Variants in ARID4B observed in about 807,000 individuals in gnomAD.
ARID4B encodes AT-rich interaction domain 4B, also known as AT-rich interactive domain-containing protein 4B.
Under a neutral mutation model 147.5 loss-of-function variants are expected in ARID4B, and 26 were observed. The ratio of observed to expected loss-of-function variants is 0.18; its 90% CI spans 0.13 to 0.24. ARID4B has a LOEUF of 0.24. ARID4B is among the 10% of genes least tolerant of loss of function. The pLI is 1.00. For missense variants in ARID4B, 1,179 were observed against 1,511.5 expected (o/e 0.78, Z 3.65); for synonymous variants, 512 against 507.9 (o/e 1.01, Z -0.11).
chr1:235,192,142 A>G (rs1665154762), intron 19 of ARID4B, among the ~76,000 whole-genome samples: 1 of 152,214 alleles, frequency 6.6e-6, no homozygotes, highest in Non-Finnish European at 1.5e-5. Context: ...GAATATAAAT[A>G]TAGATAATTC....
intron 4 of ARID4B, 27 bp downstream of exon 4, chr1:235,257,133 A>C (rs1395444983): frequency 6.6e-7 from 1 of 1,516,296 alleles, no homozygotes; most frequent in African/African-American, 1.4e-5. Context: ...AACAACCATT[A>C]GAATTAACAA....
chr1:235,272,773 T>C (rs1009682738), intron 2 of ARID4B, among the ~76,000 whole-genome samples: 1 of 151,906 alleles, frequency 6.6e-6, no homozygotes, highest in Non-Finnish European at 1.5e-5. Flanking sequence ...CTATTACACA[T>C]AAAATCACAT....
chr1:235,327,999 G>C lies in ARID4B; in HGVS notation c.-280C>G, dbSNP rs1357049089. The C allele has an allele frequency of 6.6e-6, 1 of 152,446 alleles. No individual in the cohort carries two copies. The highest frequency in any genetic ancestry group is 1.5e-5 in the Non-Finnish European group (1 of 68,154). 9.4% of individuals were successfully genotyped at this position (152,446 alleles called of 1,614,324 possible). A position where few individuals can be genotyped will look rare whatever the true frequency, so the allele number is the denominator to read the frequency against. On this transcript the variant is annotated 5_prime_UTR_variant, in exon 1 of 24. Coordinates refer to ENST00000264183, the MANE Select transcript of ARID4B (RefSeq NM_016374.6). The stretch of plus-strand genomic sequence containing the variant: ...AGGGGGACGACGAAAAATCCCCCCC[G>C]GACTGGAGGTCCGGGCCCCCAATCG...
intron 2 of ARID4B, among the ~76,000 whole-genome samples, chr1:235,324,405 G>C (rs1015087749): frequency 1.3e-5 from 2 of 152,140 alleles, no homozygotes; most frequent in African/African-American, 4.8e-5. Context: ...CTTAAAGGTA[G>C]TACATGGGAA....
chr1:235,213,538 T>C (rs1200996868), intron 17 of ARID4B, among the ~76,000 whole-genome samples: 2 of 152,162 alleles, frequency 1.3e-5, no homozygotes, highest in Non-Finnish European at 2.9e-5. Context: ...TACATAAAAA[T>C]CAAGTGTGTA....
At chr1:235,319,785 A>T (rs554571775) in intron 2 of ARID4B, among the ~76,000 whole-genome samples, 2 of 152,170 alleles carry the variant, frequency 1.3e-5, no homozygotes, top group South Asian at 4.2e-4. Context: ...TAAGGTCAGG[A>T]GTTCAGAACC....
At chr1:235,281,510 C>A (rs961146778) in intron 2 of ARID4B, among the ~76,000 whole-genome samples, 1 of 151,900 alleles carries the variant, frequency 6.6e-6, no homozygotes, top group Non-Finnish European at 1.5e-5. Flanking sequence ...AAGATCATGC[C>A]ACTGCACTCC....
chr1:235,214,533 T>C (rs1333165553), intron 16 of ARID4B, among the ~76,000 whole-genome samples: 1 of 152,154 alleles, frequency 6.6e-6, no homozygotes, highest in East Asian at 1.9e-4. Flanking sequence ...AAACAATAAT[T>C]TTTACTAGCA....
intron 2 of ARID4B, among the ~76,000 whole-genome samples, chr1:235,308,333 C>CT (rs1673727104): frequency 6.6e-6 from 1 of 150,848 alleles, no homozygotes; most frequent in Admixed American, 6.6e-5. Flanking sequence ...TGAACTCCTC[C>CT]TGACTTCAAG....
At chr1:235,196,394 A>G (rs562638758) in intron 17 of ARID4B, among the ~76,000 whole-genome samples, 2 of 152,340 alleles carry the variant, frequency 1.3e-5, no homozygotes, top group African/African-American at 4.8e-5. Context: ...GCTACAACAA[A>G]GAGAAACTGA....
rs1296383125 is a variant in ARID4B at position 235,257,152 on chromosome 1, T to A, written c.183+8A>T. The A allele has an allele frequency of 1.3e-6, 2 of 1,594,154 alleles. No individual in the cohort carries two copies. Among genetic ancestry groups the A allele is most frequent in the Admixed American group, 3.3e-5 (2 of 59,942 alleles). On this transcript the variant is annotated splice_region_variant and intron_variant, in intron 4 of 23. Transcript: ENST00000264183. Reference sequence around the variant, plus strand: ...ACCATTAGAATTAACAATGAATACATGAATTACCTTTAGTGGGCCCTTTAT... The same window carrying A: ...ACCATTAGAATTAACAATGAATACAAGAATTACCTTTAGTGGGCCCTTTAT...
chr1:235,280,548 C>T (rs760174754), intron 2 of ARID4B, among the ~76,000 whole-genome samples: 2 of 152,288 alleles, frequency 1.3e-5, no homozygotes, highest in Non-Finnish European at 2.9e-5. Context: ...CTCCTCGCCA[C>T]GCAAACGGCT....
At chr1:235,175,487 GAATT>G (rs1663801380) in intron 21 of ARID4B, 88 bp from the exon 22 acceptor site, 1 of 1,084,386 alleles carries the variant, frequency 9.2e-7, no homozygotes, top group Non-Finnish European at 1.4e-6. Flanking sequence ...TTAGCCATTT[GAATT>G]TAGTCCTACA....
chr1:235,250,397 C>G (rs1033461926), intron 6 of ARID4B, among the ~76,000 whole-genome samples: 1 of 152,134 alleles, frequency 6.6e-6, no homozygotes, highest in Non-Finnish European at 1.5e-5. Context: ...AAAGAACATA[C>G]AGATGGTAGA....
chr1:235,264,974 C>T (rs1397361139), intron 2 of ARID4B, among the ~76,000 whole-genome samples: 4 of 150,006 alleles, frequency 2.7e-5, no homozygotes, highest in South Asian at 2.1e-4. Flanking sequence ...GCAGAAGAAT[C>T]GCTTGATCTC....
intron 6 of ARID4B, among the ~76,000 whole-genome samples, chr1:235,248,685 T>C (rs1179021423): frequency 6.6e-6 from 1 of 152,204 alleles, no homozygotes; most frequent in African/African-American, 2.4e-5. Context: ...TGTTTAAGAA[T>C]CACACATAGT....
intron 17 of ARID4B, among the ~76,000 whole-genome samples, chr1:235,196,424 A>C (rs1665493418): frequency 6.6e-6 from 1 of 152,234 alleles, no homozygotes; most frequent in Admixed American, 6.5e-5. Context: ...GTAAGTATTA[A>C]GATAAATCAC....
chr1:235,213,011 A>G (rs1323151400), intron 17 of ARID4B, among the ~76,000 whole-genome samples: 1 of 152,210 alleles, frequency 6.6e-6, no homozygotes, highest in Non-Finnish European at 1.5e-5. Flanking sequence ...TCTAAAATAA[A>G]TGATTCTTAA....
intron 2 of ARID4B, among the ~76,000 whole-genome samples, chr1:235,303,381 A>G (rs561689831): frequency 8.5e-5 from 12 of 141,604 alleles, no homozygotes; most frequent in South Asian, 4.4e-4. Context: ...GAGGTGGGGG[A>G]AAAAAAAAAA....
Sources: gnomAD v4.1 joint callset for allele counts (sites outside exome capture counted in the v4.1 genomes callset) on GRCh38, gnomAD v4.1.1 for gene constraint, MANE v1.5 for transcripts, NCBI Gene and HGNC (gene_info 2026-07-23, HGNC 2026-07-21) for gene names.